Variants in PTPRN2 observed in about 807,000 individuals in gnomAD.
PTPRN2 encodes protein tyrosine phosphatase receptor type N2.
A neutral mutation model predicts 118.8 loss-of-function variants in PTPRN2; 74 were observed. That is an observed-to-expected ratio of 0.62 (90% CI 0.52 to 0.76). The LOEUF is 0.76. Among genes scored for constraint, PTPRN2 ranks in the 30% least tolerant of loss-of-function variants. PTPRN2 has a pLI of 0.00. For synonymous variants in PTPRN2, 641 were observed against 608.0 expected, an observed-to-expected ratio of 1.05 and a Z score of -0.80; for missense variants, 1,481 against 1,394.4, an observed-to-expected ratio of 1.06 and a Z score of -0.99.
intron 11 of PTPRN2, among the ~76,000 whole-genome samples, chr7:158,075,528 G>A (rs1363656277): frequency 1.3e-5 from 2 of 152,124 alleles, no homozygotes; most frequent in Non-Finnish European, 2.9e-5. Context: ...AGCAGGAGAC[G>A]GGCACTGAGC....
intron 2 of PTPRN2, among the ~76,000 whole-genome samples, chr7:158,329,508 C>T (rs923869762): frequency 2.0e-5 from 3 of 152,094 alleles, no homozygotes; most frequent in African/African-American, 4.8e-5. Flanking sequence ...GCTCACGCTC[C>T]AGCCACATGA....
At chr7:157,688,317 G>A (rs982040093) in intron 12 of PTPRN2, among the ~76,000 whole-genome samples, 29 of 152,322 alleles carry the variant, frequency 1.9e-4, no homozygotes, top group African/African-American at 7.0e-4. Flanking sequence ...TGTGTTTTAA[G>A]ACATCAGGGA....
intron 2 of PTPRN2, among the ~76,000 whole-genome samples, chr7:158,359,497 G>C (rs746659628): frequency 6.6e-6 from 1 of 152,142 alleles, no homozygotes; most frequent in Non-Finnish European, 1.5e-5. Flanking sequence ...AGGTCAACAC[G>C]AAGGCCTGCC....
chr7:157,913,933 G>T (rs1422934825), intron 11 of PTPRN2, among the ~76,000 whole-genome samples: 3 of 152,194 alleles, frequency 2.0e-5, no homozygotes, highest in Non-Finnish European at 2.9e-5. Flanking sequence ...ATGTGGGCCT[G>T]ATATTTTCTT....
rs546359280 is a variant in PTPRN2, at chr7:158,292,015, A to T, written c.277+24804T>A. The stretch of plus-strand genomic sequence containing the variant: ...GCCTGTAATGTGAATTATTTCAAAG[A>T]ATAAAAGCCTGATTGTCTCCATGAC... On this transcript the variant is annotated intron_variant, in intron 3 of 22. Transcript: ENST00000389418. Among the ~76,000 whole-genome samples the T allele has an allele frequency of 2.0e-5, 3 of 152,390 alleles. No individual in the cohort carries two copies. In the South Asian group the frequency reaches 6.2e-4, roughly 32 times the overall value.
At chr7:157,717,511 C>G (rs563071592) in intron 12 of PTPRN2, among the ~76,000 whole-genome samples, 1 of 152,374 alleles carries the variant, frequency 6.6e-6, no homozygotes, top group South Asian at 2.1e-4. Context: ...ACCGCGGAAG[C>G]CAGTGCCCTC....
chr7:158,380,025 CTA>C (rs1810846711), intron 2 of PTPRN2, among the ~76,000 whole-genome samples: 2 of 152,146 alleles, frequency 1.3e-5, no homozygotes, highest in Non-Finnish European at 1.5e-5. Context: ...AGACCCACCC[CTA>C]TGATTCGATT....
chr7:158,440,060 C>A lies in PTPRN2; in HGVS notation c.163+49675G>T, dbSNP rs529097064. ...TCACATGAGTCTTACTGGGTCCTGA[C>A]AACCTCCTGGCCTCTCACCCTAATG... is the stretch of plus-strand genomic sequence containing the variant. On this transcript the variant is annotated intron_variant, in intron 2 of 22. Transcript: ENST00000389418. Among the ~76,000 whole-genome samples the A allele has an allele frequency of 2.1e-3, 319 of 152,344 alleles. 3 individuals are homozygous for A. The highest frequency in any genetic ancestry group is 0.014 in the Middle Eastern group (4 of 294).
chr7:157,906,844 T>TG (rs967358311), intron 11 of PTPRN2, among the ~76,000 whole-genome samples: 4 of 152,096 alleles, frequency 2.6e-5, no homozygotes, highest in Non-Finnish European at 5.9e-5. Context: ...CCCTCTAGAC[T>TG]GGGGGCTCGC....
chr7:157,978,913 C>T (rs900911479), intron 11 of PTPRN2, among the ~76,000 whole-genome samples: 4 of 152,172 alleles, frequency 2.6e-5, no homozygotes, highest in South Asian at 2.1e-4. Context: ...GCCTTCCTGG[C>T]GACTCACAAG....
rs1804256722 is a variant in PTPRN2, at chr7:157,635,515, T to C, written c.2197-14006A>G. ...GATTTTCTTCACCAATATTTGTCATTCACCATCTAAAATCAAGTGAACAAT... is the reference window on the plus strand; with the variant it reads ...GATTTTCTTCACCAATATTTGTCATCCACCATCTAAAATCAAGTGAACAAT... On this transcript the variant is annotated intron_variant, in intron 14 of 22. Transcript: ENST00000389418. Among the ~76,000 whole-genome samples the C allele has an allele frequency of 2.6e-5, 4 of 152,276 alleles. No homozygotes were observed. In the South Asian group the frequency reaches 8.3e-4, roughly 31 times the overall value.
At chr7:158,489,674 C>T in intron 2 of PTPRN2, 61 bp downstream of exon 2, 1 of 1,504,468 alleles carries the variant, frequency 6.6e-7, no homozygotes, top group Non-Finnish European at 8.9e-7. Flanking sequence ...AGGCTGGGCG[C>T]TGCGCACGGC....
chr7:157,765,736 C>CCCAT (rs1259714768), intron 12 of PTPRN2, among the ~76,000 whole-genome samples: 2 of 149,170 alleles, frequency 1.3e-5, no homozygotes, highest in Non-Finnish European at 3.0e-5. Flanking sequence ...TCACCCTTCA[C>CCCAT]CCATCCATCC....
At chr7:158,279,241 T>C (rs147696154) in intron 3 of PTPRN2, among the ~76,000 whole-genome samples, 1 of 152,228 alleles carries the variant, frequency 6.6e-6, no homozygotes, top group African/African-American at 2.4e-5. Flanking sequence ...TTTGACAGAG[T>C]GCTGGTTGGT....
intron 1 of PTPRN2, chr7:158,539,616 G>C (rs1443846245): frequency 4.9e-6 from 1 of 202,496 alleles, no homozygotes; most frequent in Non-Finnish European, 1.0e-5. Context: ...CCTTCCGAGA[G>C]GGAAAGGCCT....
At chr7:158,298,177 T>C (rs1800630381) in intron 3 of PTPRN2, among the ~76,000 whole-genome samples, 1 of 152,364 alleles carries the variant, frequency 6.6e-6, no homozygotes, top group Non-Finnish European at 1.5e-5. Flanking sequence ...TTCTGCTGTT[T>C]GTGTTCTTGA....
At chr7:158,038,192 G>A (rs1213494826) in intron 11 of PTPRN2, among the ~76,000 whole-genome samples, 2 of 152,272 alleles carry the variant, frequency 1.3e-5, no homozygotes, top group African/African-American at 4.8e-5. Context: ...TCAAGGTTTT[G>A]GAAAGACTGA....
rs553212555 is a variant in PTPRN2, at chr7:158,256,386, G to A, written c.278-51113C>T. 7.9e-5 allele frequency among the ~76,000 whole-genome samples: 12 copies of A among 152,324 alleles called. No homozygotes were observed. The South Asian group carries it at 1.5e-3, about 18-fold the overall frequency. Reference sequence around the variant, plus strand: ...TCCTCACTCTGAGAGGAGTTGTCACGTGCACCCTTGGAGCAAGGTCACCAG... The same window carrying A: ...TCCTCACTCTGAGAGGAGTTGTCACATGCACCCTTGGAGCAAGGTCACCAG... On this transcript the variant is annotated intron_variant, in intron 3 of 22. Coordinates refer to ENST00000389418, the MANE Select transcript of PTPRN2 (RefSeq NM_002847.5).
chr7:158,365,836 G>A (rs1298613419), intron 2 of PTPRN2, among the ~76,000 whole-genome samples: 1 of 14,740 alleles, frequency 6.8e-5, no homozygotes, highest in East Asian at 8.9e-3. Flanking sequence ...GTGCATGCGT[G>A]CACACACACA....
Sources: allele counts gnomAD v4.1 joint callset (sites outside exome capture counted in the v4.1 genomes callset), GRCh38; gene constraint gnomAD v4.1.1; transcripts MANE v1.5; gene names NCBI Gene and HGNC (gene_info 2026-07-23, HGNC 2026-07-21).